BACH2: variants seen among roughly 807,000 people sequenced by gnomAD.
BACH2 encodes transcription regulator protein BACH2.
Under a neutral mutation model 61.8 loss-of-function variants are expected in BACH2, and 5 were observed. The ratio of observed to expected loss-of-function variants is 0.08; its 90% CI spans 0.04 to 0.17. BACH2 has a LOEUF of 0.17. Among genes scored for constraint, BACH2 ranks in the 10% least tolerant of loss-of-function variants. The pLI, the probability that BACH2 is intolerant of heterozygous loss-of-function variation, is 1.00. For synonymous variants in BACH2, 446 were observed against 440.1 expected (o/e 1.01, Z -0.17); for missense variants, 824 against 1,091.1 (o/e 0.76, Z 3.45).
chr6:90,049,699 T>C (rs948393597), intron 5 of BACH2, among the ~76,000 whole-genome samples: 14 of 152,218 alleles, frequency 9.2e-5, no homozygotes, highest in Non-Finnish European at 1.9e-4. Flanking sequence ...CAGTTTCACT[T>C]ATAAAGGGAC....
Position 89,950,807 on chromosome 6 carries a change from G to A in BACH2, c.1299C>T (p.Phe433=). The A allele has an allele frequency of 6.2e-7, 1 of 1,614,150 alleles. No homozygotes were observed. Among genetic ancestry groups the A allele is most frequent in the Non-Finnish European group, 8.5e-7 (1 of 1,180,034 alleles). The change falls in exon 7 of 9, where the codon TTC becomes TTT. Residue 433 remains phenylalanine, a synonymous_variant. Coordinates refer to ENST00000257749, the MANE Select transcript of BACH2 (RefSeq NM_021813.4). This position sits in a 1 kb window ranked among gnomAD's most constrained non-coding sequence, Gnocchi z 5.3. ...EGELDRRSVI[F]SSSACDQVST... ...TCACTTGGTCACAAGCGCTGGAGGA[G>A]AAGATCACGCTCCTCCGGTCCAGCT...
chr6:89,950,038 C>A lies in BACH2; in HGVS notation c.1836+232G>T. On this transcript the variant is annotated intron_variant, in intron 7 of 8. Transcript: ENST00000257749. This position sits in a 1 kb window ranked among gnomAD's most constrained non-coding sequence, Gnocchi z 5.3. ...ATTTTTACTCAGCAGCTTGCCTCTG[C>A]TTGTCGAGTATTGAGATCCAGATCA... 1.7e-6 allele frequency: 1 copy of A among 582,462 alleles called. No individual in the cohort carries two copies. Among genetic ancestry groups the A allele is most frequent in the Non-Finnish European group, 3.1e-6 (1 of 326,106 alleles). 36.1% of individuals were successfully genotyped at this position (582,462 alleles called of 1,614,324 possible).
intron 5 of BACH2, among the ~76,000 whole-genome samples, chr6:90,057,908 G>C (rs1170962212): frequency 1.3e-5 from 2 of 152,158 alleles, no homozygotes; most frequent in Non-Finnish European, 2.9e-5. Flanking sequence ...AAAGGCCTTT[G>C]ACAAAATTCA....
intron 8 of BACH2, among the ~76,000 whole-genome samples, chr6:89,934,637 C>A (rs368954600): frequency 6.6e-6 from 1 of 151,480 alleles, no homozygotes; most frequent in South Asian, 2.1e-4. Flanking sequence ...CCAGTCTGGG[C>A]GACAGAGCGA....
At chr6:90,220,808 A>C (rs1399696456) in intron 3 of BACH2, among the ~76,000 whole-genome samples, 4 of 152,212 alleles carry the variant, frequency 2.6e-5, no homozygotes, top group Admixed American at 6.5e-5. Context: ...TAATAAAAAG[A>C]AAGAAAAATT....
chr6:90,027,567 CCA>C (rs1778698945), intron 5 of BACH2, among the ~76,000 whole-genome samples: 1 of 152,144 alleles, frequency 6.6e-6, no homozygotes, highest in African/African-American at 2.4e-5. Flanking sequence ...GGAATGGGTG[CCA>C]CAAGGGCTCA....
intron 6 of BACH2, among the ~76,000 whole-genome samples, chr6:89,979,291 ATCTCT>A (rs1562341128): frequency 6.6e-6 from 1 of 152,176 alleles, no homozygotes; most frequent in African/African-American, 2.4e-5. Flanking sequence ...TTGCTAAATG[ATCTCT>A]TTCATTTATT....
chr6:90,073,802 T>C (rs1356493401), intron 5 of BACH2, among the ~76,000 whole-genome samples: 2 of 152,220 alleles, frequency 1.3e-5, no homozygotes, highest in African/African-American at 2.4e-5. Context: ...CAGAGCAGGA[T>C]TATTCCCTCT....
intron 5 of BACH2, among the ~76,000 whole-genome samples, chr6:90,055,486 T>C (rs1169367904): frequency 1.3e-5 from 2 of 152,060 alleles, no homozygotes; most frequent in Non-Finnish European, 2.9e-5. Context: ...AAAGACCAAA[T>C]GTACATCTGA....
At chr6:90,270,138 G>A (rs980546640) in intron 2 of BACH2, among the ~76,000 whole-genome samples, 11 of 152,156 alleles carry the variant, frequency 7.2e-5, no homozygotes, top group African/African-American at 2.7e-4. Context: ...TGGTTGATGG[G>A]TATTTAAGCT....
At chr6:90,265,552 C>T (rs1477157765) in intron 2 of BACH2, among the ~76,000 whole-genome samples, 3 of 152,126 alleles carry the variant, frequency 2.0e-5, no homozygotes, top group African/African-American at 4.8e-5. Flanking sequence ...TTAATTAGCC[C>T]GATGTGTCTA....
chr6:90,228,479 C>A (rs764448641), intron 3 of BACH2, among the ~76,000 whole-genome samples: 1 of 152,252 alleles, frequency 6.6e-6, no homozygotes, highest in African/African-American at 2.4e-5. Flanking sequence ...TGGTGGCTCA[C>A]GCCTGTAATC....
At chr6:90,003,836 T>C (rs73494999) in intron 6 of BACH2, among the ~76,000 whole-genome samples, 19,259 of 152,252 alleles carry the variant, frequency 0.13, 1,315 homozygotes, top group Middle Eastern at 0.21. Context: ...AAGGGCAGGC[T>C]CTGTGCTCTG....
intron 4 of BACH2, among the ~76,000 whole-genome samples, chr6:90,099,082 C>T (rs937849588): frequency 1.3e-5 from 2 of 151,874 alleles, no homozygotes; most frequent in East Asian, 1.9e-4. Context: ...ATAAAAGCAA[C>T]GGCCTCCCGT....
chr6:90,175,948 C>G (rs982704378), intron 4 of BACH2, among the ~76,000 whole-genome samples: 1 of 152,154 alleles, frequency 6.6e-6, no homozygotes, highest in Non-Finnish European at 1.5e-5. Flanking sequence ...AACCAAACTA[C>G]TTCAACTAGC....
chr6:90,281,004 C>A (rs1336373722), intron 1 of BACH2, among the ~76,000 whole-genome samples: 1 of 152,314 alleles, frequency 6.6e-6, no homozygotes, highest in Middle Eastern at 3.4e-3. Context: ...CCCTAAACAT[C>A]TTTATCACAG....
chr6:90,075,223 T>C (rs754515601), intron 5 of BACH2, among the ~76,000 whole-genome samples: 3 of 152,176 alleles, frequency 2.0e-5, no homozygotes, highest in Non-Finnish European at 2.9e-5. Context: ...AGTGAGTTTA[T>C]GTAGGGAGAG....
At chr6:90,267,489 G>T (rs1771376339) in intron 2 of BACH2, among the ~76,000 whole-genome samples, 2 of 152,094 alleles carry the variant, frequency 1.3e-5, no homozygotes, top group Non-Finnish European at 2.9e-5. Flanking sequence ...CAACTTTTTT[G>T]GAGTATCATC....
intron 1 of BACH2, among the ~76,000 whole-genome samples, chr6:90,296,163 T>G (rs1582578619): frequency 1.3e-5 from 2 of 152,006 alleles, no homozygotes; most frequent in East Asian, 3.9e-4. Context: ...CTGCTCCTCC[T>G]CCCTCTGCTG....
Sources: gnomAD v4.1 joint callset for allele counts (sites outside exome capture counted in the v4.1 genomes callset) on GRCh38, gnomAD v4.1.1 for gene constraint, Gnocchi (gnomAD v3.1) non-coding constraint, MANE v1.5 for transcripts, NCBI Gene and HGNC (gene_info 2026-07-23, HGNC 2026-07-21) for gene names.